RNF220: variants seen among roughly 807,000 people sequenced by gnomAD.
RNF220 encodes ring finger protein 220.
Under a neutral mutation model 67.1 loss-of-function variants are expected in RNF220, and 7 were observed. The ratio of observed to expected loss-of-function variants is 0.10; its 90% CI spans 0.06 to 0.20. The LOEUF (loss-of-function observed/expected upper bound fraction) is 0.20. RNF220 is among the 10% of genes least tolerant of loss of function. RNF220 has a pLI of 1.00. For synonymous variants in RNF220, 270 were observed against 283.2 expected (o/e 0.95, Z 0.47); for missense variants, 565 against 740.3 (o/e 0.76, Z 2.75).
chr1:44,642,873 A>G lies in RNF220; in HGVS notation c.1127-1825A>G, dbSNP rs117596879. Among the ~76,000 whole-genome samples the G allele has an allele frequency of 3.7e-3, 557 of 152,308 alleles. 5 individuals carry two copies. Among genetic ancestry groups the G allele is most frequent in the African/African-American group, 0.012 (493 of 41,574 alleles). On this transcript the variant is annotated intron_variant, in intron 8 of 14. Coordinates refer to ENST00000361799, the MANE Select transcript of RNF220 (RefSeq NM_018150.4). ...TACTTGGGGAAGGGGGGTTGGCAGG[A>G]CTTGGGTGCCGCAAGCTGTAAGTGA...
chr1:44,446,626 C>T (rs938286769), intron 2 of RNF220, among the ~76,000 whole-genome samples: 1 of 146,526 alleles, frequency 6.8e-6, no homozygotes, highest in Non-Finnish European at 1.5e-5. Flanking sequence ...GTGGCGTGAT[C>T]TCGGCTCACT....
intron 2 of RNF220, among the ~76,000 whole-genome samples, chr1:44,515,357 A>C (rs577635471): frequency 6.6e-6 from 1 of 152,188 alleles, no homozygotes; most frequent in Non-Finnish European, 1.5e-5. Flanking sequence ...ATGGTTCTTG[A>C]ATAATGTAGG....
intron 2 of RNF220, among the ~76,000 whole-genome samples, chr1:44,444,072 C>T (rs1651830895): frequency 6.6e-6 from 1 of 152,172 alleles, no homozygotes; most frequent in Non-Finnish European, 1.5e-5. Context: ...GCCTGGGCAA[C>T]AGAGCAAGAC....
At chr1:44,411,303 A>G (rs1311244191) in intron 1 of RNF220, among the ~76,000 whole-genome samples, 1 of 152,248 alleles carries the variant, frequency 6.6e-6, no homozygotes, top group Non-Finnish European at 1.5e-5. Context: ...CCATGTGATT[A>G]GAGAGAGGTG....
chr1:44,471,923 G>A (rs578052561), intron 2 of RNF220, among the ~76,000 whole-genome samples: 1 of 152,264 alleles, frequency 6.6e-6, no homozygotes, highest in South Asian at 2.1e-4. Context: ...TACCATCTCT[G>A]TGGATTTACC....
intron 5 of RNF220, chr1:44,632,099 C>A: frequency 7.0e-7 from 1 of 1,426,682 alleles, no homozygotes. Flanking sequence ...GAGGCCAGGG[C>A]TGGGGCGGCA....
chr1:44,436,907 A>T (rs1200707437), intron 2 of RNF220, among the ~76,000 whole-genome samples: 1 of 152,228 alleles, frequency 6.6e-6, no homozygotes, highest in Non-Finnish European at 1.5e-5. Flanking sequence ...AAGTTCACAC[A>T]GAAGTGCCCA....
chr1:44,610,389 C>G (rs900387589), intron 2 of RNF220, among the ~76,000 whole-genome samples: 2 of 152,232 alleles, frequency 1.3e-5, no homozygotes, highest in Non-Finnish European at 2.9e-5. Context: ...TCACCTCCCC[C>G]ATTCATCATC....
intron 2 of RNF220, among the ~76,000 whole-genome samples, chr1:44,476,979 T>A (rs1246647672): frequency 6.6e-6 from 1 of 152,146 alleles, no homozygotes; most frequent in East Asian, 1.9e-4. Context: ...TTTGGCCAAA[T>A]TGGTTGGTTA....
rs183012770 is a variant in RNF220, at chr1:44,625,328, T to G, written c.805-969T>G. Among the ~76,000 whole-genome samples, 750 of 152,372 alleles carry G rather than the reference T, an allele frequency of 4.9e-3. 9 individuals are homozygous for G. The Middle Eastern group carries it at 0.058, about 12-fold the overall frequency. ...GGGGTATGGGCAAGTCAGGGAGCCC[T>G]GCCAGACCAGCAGCTGTCCCTTCCC... is the stretch of plus-strand genomic sequence containing the variant. On this transcript the variant is annotated intron_variant, in intron 4 of 14. Coordinates refer to ENST00000361799, the MANE Select transcript of RNF220 (RefSeq NM_018150.4).
chr1:44,415,879 C>T (rs1205675792), intron 2 of RNF220, among the ~76,000 whole-genome samples: 1 of 152,194 alleles, frequency 6.6e-6, no homozygotes, highest in African/African-American at 2.4e-5. Flanking sequence ...CACTTGTGAG[C>T]CCACTGGAAA....
chr1:44,603,111 T>C (rs1250898845), intron 2 of RNF220, among the ~76,000 whole-genome samples: 2 of 152,124 alleles, frequency 1.3e-5, no homozygotes, highest in African/African-American at 4.8e-5. Context: ...CCCAACGCAA[T>C]TGAAAATGAT....
At chr1:44,478,520 G>A (rs1317763302) in intron 2 of RNF220, among the ~76,000 whole-genome samples, 1 of 151,954 alleles carries the variant, frequency 6.6e-6, no homozygotes, top group Non-Finnish European at 1.5e-5. Flanking sequence ...CTAGGAGCTC[G>A]AGACCAGCCT....
intron 2 of RNF220, among the ~76,000 whole-genome samples, chr1:44,460,576 A>C (rs7349086): frequency 1.3e-5 from 2 of 152,202 alleles, no homozygotes; most frequent in African/African-American, 4.8e-5. Flanking sequence ...TCGATCATTG[A>C]GGGTTCATTG....
intron 2 of RNF220, among the ~76,000 whole-genome samples, chr1:44,524,102 A>C (rs1660162056): frequency 8.1e-6 from 1 of 122,844 alleles, no homozygotes. Flanking sequence ...CCAAATGTGA[A>C]TGGGGGGATG....
chr1:44,438,528 A>C (rs1048273395), intron 2 of RNF220, among the ~76,000 whole-genome samples: 3 of 152,242 alleles, frequency 2.0e-5, no homozygotes, highest in Admixed American at 1.3e-4. Context: ...TTGAATACCT[A>C]CTAGGTGCCA....
rs184091506 is a variant in RNF220 at position 44,430,631 on chromosome 1, C to T, written c.625+17909C>T. 2.7e-3 allele frequency among the ~76,000 whole-genome samples: 404 copies of T among 152,220 alleles called. 4 individuals carry two copies. The highest frequency in any genetic ancestry group is 0.024 in the Admixed American group (363 of 15,296). Reference sequence around the variant, plus strand: ...CATGATCTCGGCTCACTGCAACCTCCGCCTCCTGGGTTCAAGCAGTTCTCT... The same window carrying T: ...CATGATCTCGGCTCACTGCAACCTCTGCCTCCTGGGTTCAAGCAGTTCTCT... On this transcript the variant is annotated intron_variant, in intron 2 of 14. Coordinates refer to ENST00000361799, the MANE Select transcript of RNF220 (RefSeq NM_018150.4).
At chr1:44,625,305 G>A (rs763052213) in intron 4 of RNF220, among the ~76,000 whole-genome samples, 13 of 152,198 alleles carry the variant, frequency 8.5e-5, no homozygotes, top group Non-Finnish European at 1.8e-4. Context: ...CAGCTCCTGG[G>A]GTATGGGCAA....
rs1225178314 is a variant in RNF220, at chr1:44,412,818, T to C, written c.625+96T>C. 2.2e-6 allele frequency: 3 copies of C among 1,390,966 alleles called. No individual in the cohort carries two copies. Among genetic ancestry groups the C allele is most frequent in the African/African-American group, 1.4e-5 (1 of 69,026 alleles). The allele number at this position is 1,390,966 out of a possible 1,614,324, so 86.2% of individuals were successfully genotyped here. On this transcript the variant is annotated intron_variant, in intron 2 of 14. Transcript: ENST00000361799. The surrounding 1 kb of genome is among the most constrained non-coding windows in gnomAD (Gnocchi z 5.3). ...GTGGCGTTTTGCATGCTCCTAGTAA[T>C]AGGAAGGGCCAACTACTTCCCTTTC...
Sources: gnomAD v4.1 joint callset for allele counts (sites outside exome capture counted in the v4.1 genomes callset) on GRCh38, gnomAD v4.1.1 for gene constraint, Gnocchi (gnomAD v3.1) non-coding constraint, MANE v1.5 for transcripts, NCBI Gene and HGNC (gene_info 2026-07-23, HGNC 2026-07-21) for gene names.